Variants in TAFA1 observed in about 807,000 individuals in gnomAD.
TAFA1 encodes TAFA chemokine like family member 1.
A neutral mutation model predicts 18.5 loss-of-function variants in TAFA1; 4 were observed. The observed-to-expected ratio is 0.22, with a 90% confidence interval of 0.11 to 0.49. The LOEUF is 0.49. TAFA1 is among the 20% of genes least tolerant of loss of function. The pLI is 0.98. For missense variants in TAFA1, 147 were observed against 169.0 expected (o/e 0.87, Z 0.72); for synonymous variants, 56 against 55.2 (o/e 1.01, Z -0.06).
Position 68,534,333 on chromosome 3 carries a change from T to G in TAFA1, c.260-4423T>G, listed in dbSNP as rs894425940. 3.3e-5 allele frequency among the ~76,000 whole-genome samples: 5 copies of G among 152,348 alleles called. No individual in the cohort carries two copies. In the East Asian group the frequency reaches 5.8e-4, roughly 18 times the overall value. On this transcript the variant is annotated intron_variant, in intron 3 of 4. Coordinates refer to ENST00000478136, the MANE Select transcript of TAFA1 (RefSeq NM_213609.4). Reference sequence around the variant, plus strand: ...TCTTCCATAACCTGTTCCAAGCCCCTATTCTTTCTGTAAGCTCAAGATGGC... The same window carrying G: ...TCTTCCATAACCTGTTCCAAGCCCCGATTCTTTCTGTAAGCTCAAGATGGC...
At chr3:68,172,247 T>A (rs1327942959) in intron 2 of TAFA1, among the ~76,000 whole-genome samples, 1 of 152,124 alleles carries the variant, frequency 6.6e-6, no homozygotes, top group Non-Finnish European at 1.5e-5. Context: ...CCAATAAGAC[T>A]AACAGATGAC....
chr3:68,257,531 G>A (rs547227949), intron 2 of TAFA1, among the ~76,000 whole-genome samples: 13 of 151,664 alleles, frequency 8.6e-5, no homozygotes, highest in Non-Finnish European at 1.8e-4. Context: ...ATCAACAAAC[G>A]AACACTTAGT....
intron 2 of TAFA1, among the ~76,000 whole-genome samples, chr3:68,397,497 T>G: frequency 6.6e-6 from 1 of 152,240 alleles, no homozygotes; most frequent in East Asian, 1.9e-4. Context: ...AAACTCATTC[T>G]TTCTTTTACG....
intron 2 of TAFA1, among the ~76,000 whole-genome samples, chr3:68,350,823 A>G (rs2069253005): frequency 6.6e-6 from 1 of 152,094 alleles, no homozygotes; most frequent in Non-Finnish European, 1.5e-5. Context: ...CAGCCACTTA[A>G]CTGGTCTGGT....
chr3:68,192,132 A>G lies in TAFA1; in HGVS notation c.118+185388A>G, dbSNP rs553850051. On this transcript the variant is annotated intron_variant, in intron 2 of 4. Coordinates refer to ENST00000478136, the MANE Select transcript of TAFA1 (RefSeq NM_213609.4). ...CACTATTCGCTCTAGTCCAACAACT[A>G]TTTACTGAGTAACTACTAGGTACCA... Among the ~76,000 whole-genome samples the G allele has an allele frequency of 3.3e-5, 5 of 151,906 alleles. No homozygotes were observed. In the South Asian group the frequency reaches 8.3e-4, roughly 25 times the overall value.
chr3:68,253,506 C>T (rs1196848986), intron 2 of TAFA1, among the ~76,000 whole-genome samples: 1 of 152,140 alleles, frequency 6.6e-6, no homozygotes, highest in African/African-American at 2.4e-5. Context: ...TTCTGCAGCT[C>T]AGATTTTGTG....
chr3:68,031,175 C>G (rs1704927447), intron 2 of TAFA1, among the ~76,000 whole-genome samples: 1 of 151,934 alleles, frequency 6.6e-6, no homozygotes. Flanking sequence ...AGAGAAGAGA[C>G]CTGAAGGTTT....
At chr3:68,325,067 C>T (rs960884356) in intron 2 of TAFA1, among the ~76,000 whole-genome samples, 1 of 151,974 alleles carries the variant, frequency 6.6e-6, no homozygotes, top group Non-Finnish European at 1.5e-5. Flanking sequence ...ACACTGACAC[C>T]AGTCAAGAGT....
At chr3:68,407,294 T>C (rs1182996767) in intron 2 of TAFA1, among the ~76,000 whole-genome samples, 12 of 152,156 alleles carry the variant, frequency 7.9e-5, no homozygotes, top group Admixed American at 7.9e-4. Context: ...CCTGTATTTA[T>C]TTAATTCTTA....
chr3:68,425,392 A>G (rs964020866), intron 3 of TAFA1, among the ~76,000 whole-genome samples: 1 of 151,966 alleles, frequency 6.6e-6, no homozygotes, highest in Non-Finnish European at 1.5e-5. Context: ...TGGAATGCTG[A>G]ACGCATTTGA....
intron 2 of TAFA1, among the ~76,000 whole-genome samples, chr3:68,042,408 G>GGGA (rs1261868416): frequency 6.6e-6 from 1 of 152,176 alleles, no homozygotes; most frequent in Non-Finnish European, 1.5e-5. Flanking sequence ...CCAGCACGTT[G>GGGA]GGAGGCCAAG....
At chr3:68,205,238 T>C (rs1036388008) in intron 2 of TAFA1, among the ~76,000 whole-genome samples, 1 of 151,996 alleles carries the variant, frequency 6.6e-6, no homozygotes, top group East Asian at 2.0e-4. Context: ...GAGCTGAAAC[T>C]CTTAGTCGAT....
intron 3 of TAFA1, among the ~76,000 whole-genome samples, chr3:68,478,875 C>A (rs945000372): frequency 2.0e-5 from 3 of 150,390 alleles, no homozygotes; most frequent in Non-Finnish European, 4.4e-5. Context: ...ATTGAAATAT[C>A]TTTTAGAAGT....
chr3:68,258,776 G>A (rs1038689016), intron 2 of TAFA1, among the ~76,000 whole-genome samples: 1 of 152,104 alleles, frequency 6.6e-6, no homozygotes, highest in Non-Finnish European at 1.5e-5. Context: ...TGTTTTTCCA[G>A]GTTCACTTTC....
intron 2 of TAFA1, among the ~76,000 whole-genome samples, chr3:68,362,276 G>A (rs1042351504): frequency 2.6e-5 from 4 of 152,100 alleles, no homozygotes; most frequent in East Asian, 1.9e-4. Flanking sequence ...AGCCATAATC[G>A]GAGTCTATAC....
chr3:68,447,647 C>G (rs1466766358), intron 3 of TAFA1, among the ~76,000 whole-genome samples: 1 of 152,158 alleles, frequency 6.6e-6, no homozygotes, highest in Non-Finnish European at 1.5e-5. Context: ...TATACATTTG[C>G]ACAGAGTAGT....
At chr3:68,403,286 GTAGTAGACTGTA>G (rs2070533118) in intron 2 of TAFA1, among the ~76,000 whole-genome samples, 1 of 152,216 alleles carries the variant, frequency 6.6e-6, no homozygotes, top group African/African-American at 2.4e-5. Flanking sequence ...GCATGACTGT[GTAGTAGACTGTA>G]TAGTACGCTT....
intron 2 of TAFA1, among the ~76,000 whole-genome samples, chr3:68,086,207 A>T (rs2064968191): frequency 1.3e-5 from 2 of 152,238 alleles, no homozygotes; most frequent in Admixed American, 1.3e-4. Context: ...CTCAAAGTAG[A>T]CTAGGGTCAC....
intron 2 of TAFA1, among the ~76,000 whole-genome samples, chr3:68,102,211 T>C (rs1004190005): frequency 6.6e-6 from 1 of 152,150 alleles, no homozygotes; most frequent in Non-Finnish European, 1.5e-5. Context: ...AATGTTGGCC[T>C]AATATGTGAG....
Sources: gnomAD v4.1 joint callset for allele counts (sites outside exome capture counted in the v4.1 genomes callset) on GRCh38, gnomAD v4.1.1 for gene constraint, MANE v1.5 for transcripts, NCBI Gene and HGNC (gene_info 2026-07-23, HGNC 2026-07-21) for gene names.